DPP6: variants seen among roughly 807,000 people sequenced by gnomAD.
The protein encoded by DPP6 is A-type potassium channel modulatory protein DPP6.
Under a neutral mutation model 122.6 loss-of-function variants are expected in DPP6, and 69 were observed. That is an observed-to-expected ratio of 0.56 (90% CI 0.46 to 0.69). DPP6 has a LOEUF of 0.69. Among genes scored for constraint, DPP6 ranks in the 30% least tolerant of loss-of-function variants. The pLI is 0.00. For synonymous variants in DPP6, 418 were observed against 433.1 expected (o/e 0.97, Z 0.43); for missense variants, 928 against 1,116.9 (o/e 0.83, Z 2.41).
At chr7:154,143,861 G>A (rs934061418) in intron 1 of DPP6, among the ~76,000 whole-genome samples, 2 of 151,594 alleles carry the variant, frequency 1.3e-5, no homozygotes, top group African/African-American at 4.8e-5. Flanking sequence ...ATACCTTTGT[G>A]CCGTTTTTTG....
intron 1 of DPP6, among the ~76,000 whole-genome samples, chr7:154,091,120 CAAA>C (rs71850251): frequency 8.1e-6 from 1 of 123,238 alleles, no homozygotes; most frequent in Non-Finnish European, 1.8e-5. Flanking sequence ...GACTCCTTCT[CAAA>C]AAAAAAAAAA....
intron 1 of DPP6, among the ~76,000 whole-genome samples, chr7:154,137,656 G>GT (rs1795632347): frequency 1.9e-5 from 1 of 53,680 alleles, no homozygotes; most frequent in African/African-American, 7.4e-5. Flanking sequence ...GGGGTGGGGG[G>GT]GTGGGGGGGG....
intron 1 of DPP6, among the ~76,000 whole-genome samples, chr7:154,371,910 G>A (rs550389667): frequency 2.0e-5 from 3 of 152,252 alleles, no homozygotes; most frequent in Non-Finnish European, 2.9e-5. Context: ...TAGACATACC[G>A]GGAAGCCAGA....
intron 1 of DPP6, chr7:154,305,056 CCCA>C (rs1806190864): frequency 2.0e-5 from 2 of 102,404 alleles, no homozygotes; most frequent in Admixed American, 2.0e-4. Flanking sequence ...CAGCCCCAGC[CCCA>C]GCCCCAGCCC....
At chr7:153,798,015 T>G in the DPP6 span, among the ~76,000 whole-genome samples, 2 of 152,154 alleles carry the variant, frequency 1.3e-5, no homozygotes, top group African/African-American at 4.8e-5. Context: ...CTAATTTTTT[T>G]GTATTTTTGG....
intron 1 of DPP6, among the ~76,000 whole-genome samples, chr7:153,895,304 A>G (rs369387096): frequency 2.6e-5 from 4 of 152,178 alleles, no homozygotes; most frequent in Admixed American, 2.0e-4. Flanking sequence ...GGGATTTGCA[A>G]TGGCCTCTGA....
chr7:154,870,545 G>T (rs1804297990), intron 18 of DPP6, among the ~76,000 whole-genome samples: 5 of 152,190 alleles, frequency 3.3e-5, no homozygotes, highest in Admixed American at 3.3e-4. Context: ...GGCAGAGGTT[G>T]CAGTGAGCCA....
chr7:153,895,487 A>G (rs1207856583), intron 1 of DPP6, among the ~76,000 whole-genome samples: 7 of 152,230 alleles, frequency 4.6e-5, no homozygotes, highest in East Asian at 1.9e-4. Context: ...GTCACCTTCC[A>G]TGCCAGAACA....
intron 6 of DPP6, among the ~76,000 whole-genome samples, chr7:154,654,650 TTC>T (rs1837125551): frequency 2.0e-5 from 3 of 152,072 alleles, no homozygotes; most frequent in South Asian, 4.2e-4. Flanking sequence ...ACTCCTGACC[TTC>T]TCTGATCCTC....
At chr7:154,116,649 C>G (rs1395960476) in intron 1 of DPP6, among the ~76,000 whole-genome samples, 1 of 152,202 alleles carries the variant, frequency 6.6e-6, no homozygotes, top group Non-Finnish European at 1.5e-5. Flanking sequence ...TTTGACCAAT[C>G]TACCTTTACA....
chr7:154,853,863 A>T (rs1216158025), intron 17 of DPP6, 36 bp downstream of exon 17: 1 of 1,611,370 alleles, frequency 6.2e-7, no homozygotes, highest in South Asian at 1.1e-5. Context: ...TCTTCCTGAG[A>T]CTCAGGAGAA....
At chr7:154,461,488 T>C (rs12538964) in intron 2 of DPP6, among the ~76,000 whole-genome samples, 30,397 of 152,132 alleles carry the variant, frequency 0.2, 3,595 homozygotes, top group East Asian at 0.42. Context: ...TTATCAACAG[T>C]GTATGAGGGT....
chr7:154,539,484 C>T (rs999974855), intron 3 of DPP6, among the ~76,000 whole-genome samples: 14 of 151,694 alleles, frequency 9.2e-5, no homozygotes, highest in Admixed American at 3.3e-4. Flanking sequence ...GCCTGTTGTA[C>T]GGTGGGGGGC....
At chr7:154,506,119 A>T (rs143480973) in intron 3 of DPP6, among the ~76,000 whole-genome samples, 113 of 152,158 alleles carry the variant, frequency 7.4e-4, no homozygotes, top group African/African-American at 2.6e-3. Context: ...GAAAAAGTTG[A>T]TTTTGACAAT....
At chr7:154,656,915 G>T (rs1332076902) in intron 6 of DPP6, among the ~76,000 whole-genome samples, 1 of 64,606 alleles carries the variant, frequency 1.5e-5, no homozygotes, top group Non-Finnish European at 3.9e-5. Flanking sequence ...GGTGGGTGGA[G>T]AGGATGCGTG....
intron 1 of DPP6, among the ~76,000 whole-genome samples, chr7:154,005,508 A>G (rs867197051): frequency 0.022 from 3,341 of 151,550 alleles, 123 homozygotes; most frequent in African/African-American, 0.075. Flanking sequence ...AGTCATTAAC[A>G]TTAATTAATA....
At chr7:154,695,158 G>C (rs902714351) in intron 7 of DPP6, among the ~76,000 whole-genome samples, 1 of 152,176 alleles carries the variant, frequency 6.6e-6, no homozygotes. Context: ...ACAGATTTGG[G>C]GTAGCAGCCA....
At chr7:153,766,007 A>G in the DPP6 span, among the ~76,000 whole-genome samples, 2 of 152,188 alleles carry the variant, frequency 1.3e-5, no homozygotes, top group Non-Finnish European at 2.9e-5. Flanking sequence ...AAAGCTCCCA[A>G]ATGGTGCTGA....
intron 1 of DPP6, among the ~76,000 whole-genome samples, chr7:154,288,881 G>T (rs1010124061): frequency 1.3e-5 from 2 of 152,230 alleles, no homozygotes; most frequent in Admixed American, 6.5e-5. Context: ...GAAAGGGAAA[G>T]TTATACTTTA....
Sources: gnomAD v4.1 joint callset for allele counts (sites outside exome capture counted in the v4.1 genomes callset) on GRCh38, gnomAD v4.1.1 for gene constraint, MANE v1.5 for transcripts, NCBI Gene and HGNC (gene_info 2026-07-23, HGNC 2026-07-21) for gene names.